The following RANBP17 variants were observed in gnomAD, a reference collection of about 807,000 sequenced individuals.
The protein encoded by RANBP17 is ran-binding protein 17.
In RANBP17, 158 loss-of-function variants were observed where a neutral mutation model predicts 141.2. The observed-to-expected ratio is 1.12, with a 90% CI of 0.98 to 1.28. The LOEUF is 1.28. Among genes scored for constraint, RANBP17 ranks in the 50% most tolerant of loss-of-function variants. The pLI is 0.00. For missense variants in RANBP17, 1,438 were observed against 1,290.7 expected (o/e 1.11, Z -1.75); for synonymous variants, 430 against 450.0 (o/e 0.96, Z 0.56).
intron 1 of RANBP17, among the ~76,000 whole-genome samples, chr5:170,865,975 T>G (rs1406813572): frequency 2.6e-4 from 39 of 152,212 alleles, no homozygotes. Flanking sequence ...CACTAATTAT[T>G]GCAAACTGGG....
At chr5:170,877,538 A>G (rs1371143153) in intron 1 of RANBP17, among the ~76,000 whole-genome samples, 1 of 152,174 alleles carries the variant, frequency 6.6e-6, no homozygotes, top group Non-Finnish European at 1.5e-5. Context: ...CTGGGATTAT[A>G]GGTATAAGTC....
At chr5:171,204,700 C>G (rs1318127366) in intron 19 of RANBP17, among the ~76,000 whole-genome samples, 2 of 152,086 alleles carry the variant, frequency 1.3e-5, no homozygotes, top group Non-Finnish European at 2.9e-5. Flanking sequence ...AATTAAGAGT[C>G]CAGAGTACAA....
chr5:170,897,762 G>A (rs1015568649), intron 5 of RANBP17, among the ~76,000 whole-genome samples: 11 of 152,216 alleles, frequency 7.2e-5, no homozygotes, highest in Non-Finnish European at 1.3e-4. Context: ...TGGCTGCATC[G>A]TATTCCATGG....
At chr5:171,062,472 T>C (rs1292199740) in intron 14 of RANBP17, among the ~76,000 whole-genome samples, 1 of 152,088 alleles carries the variant, frequency 6.6e-6, no homozygotes, top group Non-Finnish European at 1.5e-5. Context: ...TTCTTTAATA[T>C]GGTTGAATAT....
intron 12 of RANBP17, among the ~76,000 whole-genome samples, chr5:170,925,710 T>G (rs555444993): frequency 1.3e-5 from 2 of 152,272 alleles, no homozygotes; most frequent in African/African-American, 4.8e-5. Context: ...TTCATGCCTT[T>G]TCTTCATTAT....
At chr5:171,007,314 TG>T (rs1234254637) in intron 14 of RANBP17, among the ~76,000 whole-genome samples, 2 of 151,782 alleles carry the variant, frequency 1.3e-5, no homozygotes, top group African/African-American at 4.8e-5. Flanking sequence ...TGTCGGGCAG[TG>T]GGGGAGAGCT....
In RANBP17 at chr5:171,245,909, C is replaced by T. The variant is rs558323999; in HGVS notation, c.2776+3089C>T. ...TTTTTTTTTTTTTGAGATGGAGTCT[C>T]GCTCCATCGCCCAGGCTGGAGTGCA... is the stretch of plus-strand genomic sequence containing the variant. On this transcript the variant is annotated intron_variant, in intron 24 of 27. Coordinates refer to ENST00000523189, the MANE Select transcript of RANBP17 (RefSeq NM_022897.5). 2.8e-4 allele frequency among the ~76,000 whole-genome samples: 40 copies of T among 140,834 alleles called. 1 individual carries two copies. The highest frequency in any genetic ancestry group is 8.8e-4 in the African/African-American group (33 of 37,488). The allele number at this position is 140,834 out of a possible 152,430, so 92.4% of individuals were successfully genotyped here.
chr5:171,139,520 C>T (rs1757548193), intron 14 of RANBP17, among the ~76,000 whole-genome samples: 1 of 152,158 alleles, frequency 6.6e-6, no homozygotes, highest in Non-Finnish European at 1.5e-5. Context: ...TGTCACTTGT[C>T]TTGATGAATG....
chr5:170,967,402 C>T (rs1379053169), intron 13 of RANBP17, among the ~76,000 whole-genome samples: 1 of 152,068 alleles, frequency 6.6e-6, no homozygotes, highest in Non-Finnish European at 1.5e-5. Flanking sequence ...GCTTCCTCAA[C>T]AACCTCTACT....
At chr5:171,250,826 A>G (rs901842310) in intron 24 of RANBP17, among the ~76,000 whole-genome samples, 2 of 152,194 alleles carry the variant, frequency 1.3e-5, no homozygotes, top group Admixed American at 6.5e-5. Flanking sequence ...CAACACTGGA[A>G]CACCTGGATT....
intron 3 of RANBP17, among the ~76,000 whole-genome samples, chr5:170,890,873 A>G (rs1769538266): frequency 6.6e-6 from 1 of 151,366 alleles, no homozygotes; most frequent in Admixed American, 6.6e-5. Context: ...TATACTGTTT[A>G]TGTTTGTTTT....
chr5:171,134,313 A>G (rs977204359), intron 14 of RANBP17, among the ~76,000 whole-genome samples: 2 of 152,224 alleles, frequency 1.3e-5, no homozygotes, highest in African/African-American at 2.4e-5. Context: ...GCAATTTTAG[A>G]AGATACAATA....
intron 1 of RANBP17, among the ~76,000 whole-genome samples, chr5:170,877,324 G>A (rs2127346923): frequency 6.6e-6 from 1 of 152,158 alleles, no homozygotes; most frequent in East Asian, 1.9e-4. Context: ...GAAGTACAAT[G>A]ATAGTATCAA....
chr5:171,186,413 G>A (rs373490210), intron 18 of RANBP17, among the ~76,000 whole-genome samples: 2 of 151,314 alleles, frequency 1.3e-5, no homozygotes, highest in East Asian at 2.0e-4. Flanking sequence ...ACCTCTGCTA[G>A]CTTCCAACTT....
chr5:171,097,879 ATG>A (rs1359595722), intron 14 of RANBP17, among the ~76,000 whole-genome samples: 44 of 151,806 alleles, frequency 2.9e-4, no homozygotes, highest in Admixed American at 2.9e-3. Context: ...GAGTGAGAAC[ATG>A]TGGTGTTTGG....
At chr5:171,136,623 C>G (rs1757307105) in intron 14 of RANBP17, among the ~76,000 whole-genome samples, 1 of 152,126 alleles carries the variant, frequency 6.6e-6, no homozygotes, top group East Asian at 1.9e-4. Context: ...AAGCAAGACT[C>G]AGATTATTGT....
rs961395752 is a variant in RANBP17 at position 170,924,478 on chromosome 5, C to G, written c.1396C>G (p.Gln466Glu). ...TCALLVQLFD[Q>E]NAQNYQKLLH... ...TGCTCTTCTTGTGCAGTTATTCGAC[C>G]AAAATGCACAGAATTACCAAAAACT... The change falls in exon 12 of 28, where the codon CAA becomes GAA. Residue 466 changes from glutamine to glutamate, a missense_variant. Physicochemically the swap from Gln to Glu is conservative, Grantham distance 29 (BLOSUM62 2). Transcript: ENST00000523189. 1.2e-6 allele frequency: 2 copies of G among 1,612,880 alleles called. No individual in the cohort carries two copies. The highest frequency in any genetic ancestry group is 1.7e-6 in the Non-Finnish European group (2 of 1,179,288).
chr5:171,245,423 T>A (rs953692601), intron 24 of RANBP17, among the ~76,000 whole-genome samples: 3 of 152,164 alleles, frequency 2.0e-5, no homozygotes, highest in Non-Finnish European at 4.4e-5. Context: ...CAAGTGTTTC[T>A]CCTGCCTCAG....
chr5:171,216,292 T>C (rs1422938362), intron 21 of RANBP17, among the ~76,000 whole-genome samples: 1 of 152,192 alleles, frequency 6.6e-6, no homozygotes, highest in Non-Finnish European at 1.5e-5. Context: ...TCATGCTATT[T>C]TGGTTACTGT....
Sources: allele counts gnomAD v4.1 joint callset (sites outside exome capture counted in the v4.1 genomes callset), GRCh38; gene constraint gnomAD v4.1.1; transcripts MANE v1.5; gene names NCBI Gene and HGNC (gene_info 2026-07-23, HGNC 2026-07-21).